Variants in ABL1 observed in about 807,000 individuals in gnomAD.
The protein encoded by ABL1 is ABL proto-oncogene 1, non-receptor tyrosine kinase, also known as tyrosine-protein kinase ABL1.
Under a neutral mutation model 94.7 loss-of-function variants are expected in ABL1, and 11 were observed. The ratio of observed to expected loss-of-function variants is 0.12; its 90% CI spans 0.07 to 0.19. The LOEUF (loss-of-function observed/expected upper bound fraction) is 0.19. ABL1 is among the 10% of genes least tolerant of loss of function. ABL1 has a pLI of 1.00. For synonymous variants in ABL1, 656 were observed against 622.4 expected (o/e 1.05, Z -0.80); for missense variants, 1,082 against 1,489.4 (o/e 0.73, Z 4.50).
intron 1 of ABL1, among the ~76,000 whole-genome samples, chr9:130,807,701 T>G (rs59911822): frequency 7.8e-5 from 10 of 128,486 alleles, no homozygotes; most frequent in Non-Finnish European, 1.5e-4. Context: ...TATAGTTTTT[T>G]TTTTTTTTTT....
At chr9:130,877,607 A>T (rs141211727) in intron 7 of ABL1, among the ~76,000 whole-genome samples, 1 of 146,372 alleles carries the variant, frequency 6.8e-6, no homozygotes, top group Admixed American at 6.8e-5. Flanking sequence ...TTTGTGGGGT[A>T]AGTTTACTGA....
intron 4 of ABL1, among the ~76,000 whole-genome samples, chr9:130,864,402 A>C (rs1831123200): frequency 6.6e-6 from 1 of 151,744 alleles, no homozygotes; most frequent in Non-Finnish European, 1.5e-5. Context: ...CCGCCACCAC[A>C]CCCAGCTAAT....
chr9:130,878,195 C>A (rs1456779819), intron 7 of ABL1, among the ~76,000 whole-genome samples: 1 of 152,190 alleles, frequency 6.6e-6, no homozygotes, highest in South Asian at 2.1e-4. Context: ...AAATAATCCT[C>A]CCACTTCAGC....
At chr9:130,714,232 CCA>C in exon 1 of ABL1, 3 of 1,297,400 alleles carry the variant, frequency 2.3e-6, no homozygotes, top group Non-Finnish European at 3.1e-6. Context: ...ATGTGAAATC[CCA>C]CGTATATGCC....
chr9:130,847,165 T>C (rs920613922), intron 1 of ABL1, among the ~76,000 whole-genome samples: 2 of 152,214 alleles, frequency 1.3e-5, no homozygotes, highest in Non-Finnish European at 2.9e-5. Flanking sequence ...AATAACAATA[T>C]GGTTTTAAGT....
intron 1 of ABL1, among the ~76,000 whole-genome samples, chr9:130,776,811 C>G (rs1829664904): frequency 6.6e-6 from 1 of 152,118 alleles, no homozygotes; most frequent in Non-Finnish European, 1.5e-5. Flanking sequence ...AGCCTGGTCC[C>G]AAACCCCTGG....
chr9:130,831,487 T>C (rs182338338), upstream of ABL1, among the ~76,000 whole-genome samples: 1 of 152,388 alleles, frequency 6.6e-6, no homozygotes, highest in African/African-American at 2.4e-5. Flanking sequence ...TCTAGAACTA[T>C]GCCTATCTTA....
upstream of ABL1, chr9:130,835,231 C>A (rs113937878): frequency 6.5e-6 from 1 of 153,770 alleles, no homozygotes; most frequent in Non-Finnish European, 1.4e-5. The surrounding 1 kb of genome is among the most constrained non-coding windows in gnomAD (Gnocchi z 4.6). Flanking sequence ...GCGGGCCTGG[C>A]GGGCGCCCTC....
At chr9:130,720,659 G>T (rs141554590) in intron 1 of ABL1, among the ~76,000 whole-genome samples, 1 of 152,204 alleles carries the variant, frequency 6.6e-6, no homozygotes, top group Non-Finnish European at 1.5e-5. Context: ...ACTATCTGAT[G>T]TATGTTTCAG....
chr9:130,765,843 G>A (rs1411227307), intron 1 of ABL1, among the ~76,000 whole-genome samples: 1 of 152,156 alleles, frequency 6.6e-6, no homozygotes, highest in Non-Finnish European at 1.5e-5. Flanking sequence ...GGCATAATAG[G>A]CAGGTTTTCT....
chr9:130,757,105 G>C (rs552702687), intron 1 of ABL1, among the ~76,000 whole-genome samples: 1 of 152,182 alleles, frequency 6.6e-6, no homozygotes, highest in African/African-American at 2.4e-5. Context: ...TATAAGTGAA[G>C]AACCTGAGGC....
chr9:130,764,891 G>A (rs1832161098), intron 1 of ABL1, among the ~76,000 whole-genome samples: 1 of 151,976 alleles, frequency 6.6e-6, no homozygotes, highest in African/African-American at 2.4e-5. Flanking sequence ...GGGAGGTGGA[G>A]GTTGCAGTGA....
chr9:130,789,637 A>G (rs537326763), intron 1 of ABL1, among the ~76,000 whole-genome samples: 1 of 152,318 alleles, frequency 6.6e-6, no homozygotes, highest in Non-Finnish European at 1.5e-5. Flanking sequence ...TATAGACTAT[A>G]AGTTAATTTA....
chr9:130,716,871 C>T lies in ABL1; in HGVS notation c.136+2416C>T, dbSNP rs192202448. Among the ~76,000 whole-genome samples, 93 of 152,188 alleles carry T rather than the reference C, an allele frequency of 6.1e-4. 2 individuals carry two copies. The highest frequency in any genetic ancestry group is 5.4e-3 in the East Asian group (28 of 5,180). ...GTTCAAGCGATTCTCCTGCCTCAGC[C>T]TCCCAAGTAGCTGGGATTACAGGTG... On this transcript the variant is annotated intron_variant, in intron 1 of 10. Transcript: ENST00000372348.
intron 1 of ABL1, among the ~76,000 whole-genome samples, chr9:130,755,920 T>C (rs1832036078): frequency 6.6e-6 from 1 of 152,208 alleles, no homozygotes; most frequent in Admixed American, 6.5e-5. Flanking sequence ...TTCAAGGGCT[T>C]CCGTGTGCAG....
intron 10 of ABL1, among the ~76,000 whole-genome samples, chr9:130,881,413 C>T (rs1431124869): frequency 1.3e-5 from 2 of 152,312 alleles, no homozygotes; most frequent in South Asian, 4.1e-4. Context: ...CACTGACTCA[C>T]AGTTCCACAT....
At chr9:130,713,613 C>T (rs941601466) in exon 1 of ABL1, among the ~76,000 whole-genome samples, 1 of 152,226 alleles carries the variant, frequency 6.6e-6, no homozygotes, top group Non-Finnish European at 1.5e-5. Context: ...CTCTAATGCC[C>T]TGACTTCTTC....
intron 1 of ABL1, among the ~76,000 whole-genome samples, chr9:130,729,830 G>A (rs1831638653): frequency 6.6e-6 from 1 of 151,610 alleles, no homozygotes; most frequent in Non-Finnish European, 1.5e-5. Flanking sequence ...CCACCTCCTG[G>A]GTTCAAGCGA....
chr9:130,870,466 C>T (rs1392502834), intron 4 of ABL1, among the ~76,000 whole-genome samples: 2 of 152,134 alleles, frequency 1.3e-5, no homozygotes, highest in African/African-American at 4.8e-5. Flanking sequence ...ACTTTTTAAC[C>T]ATATTGTTGA....
Sources: allele counts gnomAD v4.1 joint callset (sites outside exome capture counted in the v4.1 genomes callset), GRCh38; gene constraint gnomAD v4.1.1; non-coding constraint Gnocchi (gnomAD v3.1); transcripts MANE v1.5; gene names NCBI Gene and HGNC (gene_info 2026-07-23, HGNC 2026-07-21).